LRRTM4: variants seen among roughly 807,000 people sequenced by gnomAD.
The protein encoded by LRRTM4 is leucine rich repeat transmembrane neuronal 4.
In LRRTM4, 25 loss-of-function variants were observed where a neutral mutation model predicts 47.6. The ratio of observed to expected loss-of-function variants is 0.53; its 90% confidence interval spans 0.38 to 0.73. The LOEUF is 0.73. Ranked by LOEUF, LRRTM4 falls within the 30% of genes least tolerant of loss-of-function variation. LRRTM4 has a pLI of 0.00. For synonymous variants in LRRTM4, 311 were observed against 269.5 expected, an observed-to-expected ratio of 1.15 and a Z score of -1.51; for missense variants, 638 against 713.4, an observed-to-expected ratio of 0.89 and a Z score of 1.20.
intron 3 of LRRTM4, among the ~76,000 whole-genome samples, chr2:76,993,034 C>T (rs1334511274): frequency 6.6e-6 from 1 of 151,594 alleles, no homozygotes; most frequent in Non-Finnish European, 1.5e-5. Context: ...AGGACTTCCT[C>T]GTCAATAACT....
chr2:76,940,741 A>G (rs766790626), intron 3 of LRRTM4, among the ~76,000 whole-genome samples: 14 of 152,292 alleles, frequency 9.2e-5, no homozygotes, highest in East Asian at 1.9e-4. Flanking sequence ...AGGTTCTGAA[A>G]GTGAGTGTGT....
chr2:77,349,519 G>A (rs1010562149), intron 3 of LRRTM4, among the ~76,000 whole-genome samples: 3 of 152,074 alleles, frequency 2.0e-5, no homozygotes, highest in Non-Finnish European at 4.4e-5. Context: ...ATATAACTAT[G>A]AAGGTAACTG....
intron 3 of LRRTM4, among the ~76,000 whole-genome samples, chr2:76,883,919 A>G (rs1160045164): frequency 6.6e-6 from 1 of 152,046 alleles, no homozygotes; most frequent in Non-Finnish European, 1.5e-5. Flanking sequence ...CATGGGTTCA[A>G]ATGATACTCC....
At chr2:77,387,459 C>G (rs1468331422) in intron 3 of LRRTM4, among the ~76,000 whole-genome samples, 1 of 152,110 alleles carries the variant, frequency 6.6e-6, no homozygotes, top group African/African-American at 2.4e-5. Context: ...TGCTAGCAGC[C>G]CTCTTTACAA....
At chr2:76,951,492 CTTTT>C (rs544457577) in intron 3 of LRRTM4, among the ~76,000 whole-genome samples, 2 of 151,898 alleles carry the variant, frequency 1.3e-5, no homozygotes, top group East Asian at 3.9e-4. Flanking sequence ...TGGACCACAT[CTTTT>C]TTTTGTTTGT....
At chr2:77,151,910 A>T (rs943015643) in intron 3 of LRRTM4, among the ~76,000 whole-genome samples, 1 of 152,210 alleles carries the variant, frequency 6.6e-6, no homozygotes, top group Non-Finnish European at 1.5e-5. Flanking sequence ...TCTAAACATG[A>T]AGAAATTTAC....
chr2:77,011,601 C>T (rs1677879060), intron 3 of LRRTM4, among the ~76,000 whole-genome samples: 1 of 149,104 alleles, frequency 6.7e-6, no homozygotes, highest in Non-Finnish European at 1.5e-5. Context: ...ATGTGAAATA[C>T]ATGAGAACAA....
intron 3 of LRRTM4, among the ~76,000 whole-genome samples, chr2:77,052,733 T>TGA (rs141132896): frequency 0.09 from 13,633 of 152,024 alleles, 1,455 homozygotes; most frequent in African/African-American, 0.24. Flanking sequence ...TGTGTGTGTG[T>TGA]GTGCAAGTAT....
At chr2:76,876,020 C>A (rs1232467576) in intron 3 of LRRTM4, among the ~76,000 whole-genome samples, 1 of 152,132 alleles carries the variant, frequency 6.6e-6, no homozygotes, top group Non-Finnish European at 1.5e-5. Context: ...TCTTTATAAT[C>A]ATTGACTTTA....
intron 3 of LRRTM4, among the ~76,000 whole-genome samples, chr2:77,175,152 C>A (rs775241218): frequency 2.6e-5 from 4 of 151,260 alleles, no homozygotes; most frequent in Non-Finnish European, 4.4e-5. Context: ...TCACTGCAAC[C>A]TCCACCTCCT....
chr2:77,247,871 G>A (rs1031032731), intron 3 of LRRTM4, among the ~76,000 whole-genome samples: 1 of 151,358 alleles, frequency 6.6e-6, no homozygotes, highest in African/African-American at 2.4e-5. Flanking sequence ...AAATGCAATT[G>A]ATGATTTTAA....
At chr2:77,492,143 A>T (rs2104048743) in intron 3 of LRRTM4, among the ~76,000 whole-genome samples, 1 of 152,306 alleles carries the variant, frequency 6.6e-6, no homozygotes, top group African/African-American at 2.4e-5. Context: ...AAATATACAT[A>T]ATATTAAAAA....
At chr2:76,887,738 A>G (rs1673124114) in intron 3 of LRRTM4, among the ~76,000 whole-genome samples, 1 of 142,592 alleles carries the variant, frequency 7.0e-6, no homozygotes. Context: ...GTATATATTA[A>G]AAGTTTAAAA....
chr2:76,945,621 AC>A (rs2103873464), intron 3 of LRRTM4, among the ~76,000 whole-genome samples: 1 of 152,164 alleles, frequency 6.6e-6, no homozygotes, highest in African/African-American at 2.4e-5. Flanking sequence ...ATATACTGCA[AC>A]CCCCATTCAA....
At position 77,518,749 on chromosome 2, in the gene LRRTM4, C is replaced by A; in HGVS notation, c.1120G>T (p.Val374Leu). ...AGAGGTTTCTGGGGAGTTTGGGGCA[C>A]CAGGTGTGATCTTTCTGTGTTGACC... ...QVVNTERSHL[V>L]PQTPQKPLII... Residue 374 changes from valine to leucine, a missense_variant, in exon 3 of 4, where the codon GTG becomes TTG. Val to Leu is a conservative substitution (Grantham distance 32). Coordinates refer to ENST00000409884, the MANE Select transcript of LRRTM4 (RefSeq NM_001134745.3). 6.2e-7 allele frequency: 1 copy of A among 1,613,278 alleles called. No homozygotes were observed. Among genetic ancestry groups the A allele is most frequent in the Non-Finnish European group, 8.5e-7 (1 of 1,179,632 alleles).
chr2:76,894,513 T>C (rs899985331), intron 3 of LRRTM4, among the ~76,000 whole-genome samples: 2 of 152,076 alleles, frequency 1.3e-5, no homozygotes, highest in Admixed American at 6.6e-5. Flanking sequence ...GTGGCTACGA[T>C]AGCCAAAAAC....
At chr2:77,020,044 T>A (rs1194265074) in intron 3 of LRRTM4, among the ~76,000 whole-genome samples, 1 of 152,096 alleles carries the variant, frequency 6.6e-6, no homozygotes, top group Non-Finnish European at 1.5e-5. Flanking sequence ...ACATAAAATA[T>A]ACTTAATGAA....
chr2:76,877,924 G>A (rs1028989391), intron 3 of LRRTM4, among the ~76,000 whole-genome samples: 9 of 152,124 alleles, frequency 5.9e-5, no homozygotes, highest in Non-Finnish European at 7.4e-5. Flanking sequence ...AGGAAAAAAG[G>A]TCACAGATGC....
intron 3 of LRRTM4, among the ~76,000 whole-genome samples, chr2:77,120,015 G>A (rs1671486295): frequency 6.6e-6 from 1 of 151,792 alleles, no homozygotes; most frequent in African/African-American, 2.4e-5. Context: ...TGTGCTACTG[G>A]TTGGGCAGAT....
Sources: gnomAD v4.1 joint callset for allele counts (sites outside exome capture counted in the v4.1 genomes callset) on GRCh38, gnomAD v4.1.1 for gene constraint, MANE v1.5 for transcripts, NCBI Gene and HGNC (gene_info 2026-07-23, HGNC 2026-07-21) for gene names.